ZNF136: variants seen among roughly 807,000 people sequenced by gnomAD.
The protein encoded by ZNF136 is zinc finger protein 136.
Under a neutral mutation model 11.4 loss-of-function variants are expected in ZNF136, and 8 were observed. The ratio of observed to expected loss-of-function variants is 0.70; its 90% CI spans 0.41 to 1.27. The LOEUF (loss-of-function observed/expected upper bound fraction) is 1.27, where lower values mean the gene tolerates loss of function less well. Among genes scored for constraint, ZNF136 ranks in the 50% most tolerant of loss-of-function variants. The probability of loss-of-function intolerance (pLI) is 0.01; values close to 1 mark genes in which losing one functional copy is unlikely to be tolerated. For missense variants in ZNF136, 590 were observed against 656.5 expected (o/e 0.90, Z 1.11); for synonymous variants, 190 against 207.1 (o/e 0.92, Z 0.71).
Position 12,186,120 on chromosome 19 carries a change from A to C in ZNF136, c.137A>C (p.Lys46Thr), listed in dbSNP as rs746782708. 5.0e-6 allele frequency: 8 copies of C among 1,608,926 alleles called. No individual in the cohort carries two copies. The African/African-American group carries it at 5.4e-5, about 11-fold the overall frequency. ...TMRNLASIGK[K>T]WKDQNIKDHY... ...TTCTGGGTCTCTGTTTTAGGGAAAAAATGGAAGGACCAGAACATTAAAGAT... is the reference window on the plus strand; with the variant it reads ...TTCTGGGTCTCTGTTTTAGGGAAAACATGGAAGGACCAGAACATTAAAGAT... Residue 46 changes from lysine to threonine, a missense_variant, in exon 3 of 4, where the codon AAA becomes ACA. Coordinates refer to ENST00000343979, the MANE Select transcript of ZNF136 (RefSeq NM_003437.5).
Position 12,163,179 on chromosome 19 carries a change from A to G in ZNF136, c.-25A>G. ...CCTGCCTTGGGATCCGGAGGGAGGA[A>G]GCTGGGACACCCGGGAGTCAGGAAA... On this transcript the variant is annotated 5_prime_UTR_variant, in exon 1 of 4. Transcript: ENST00000343979. 7.1e-7 allele frequency: 1 copy of G among 1,399,920 alleles called. No homozygotes were observed. The highest frequency in any genetic ancestry group is 9.3e-7 in the Non-Finnish European group (1 of 1,069,944). 86.7% of individuals were successfully genotyped at this position (1,399,920 alleles called of 1,614,324 possible). A position where few individuals can be genotyped will look rare whatever the true frequency, so the allele number is the denominator to read the frequency against.
intron 1 of ZNF136, among the ~76,000 whole-genome samples, chr19:12,165,193 T>C (rs1008721703): frequency 6.6e-6 from 1 of 152,192 alleles, no homozygotes; most frequent in Non-Finnish European, 1.5e-5. Flanking sequence ...AAATGCACTT[T>C]GGGTACACAG....
rs1404428348 is a variant in ZNF136, at chr19:12,186,559, A to T, written c.192-11A>T. ...ACAAATCCTTAGTAATGTCCGTCTCATTTTTTACAGAAGTCATATGTTAGA... is the reference window on the plus strand; with the variant it reads ...ACAAATCCTTAGTAATGTCCGTCTCTTTTTTTACAGAAGTCATATGTTAGA... On this transcript the variant is annotated splice_polypyrimidine_tract_variant and intron_variant, in intron 3 of 3. Transcript: ENST00000343979. 1 of 1,578,194 alleles carries T rather than the reference A, an allele frequency of 6.3e-7. No individual in the cohort carries two copies. Among genetic ancestry groups the T allele is most frequent in the East Asian group, 2.2e-5 (1 of 44,610 alleles).
At chr19:12,168,929 T>C (rs1168284656) in intron 1 of ZNF136, among the ~76,000 whole-genome samples, 4 of 152,086 alleles carry the variant, frequency 2.6e-5, no homozygotes, top group Non-Finnish European at 5.9e-5. Flanking sequence ...CCACCTGCCT[T>C]GGCCTCCCAA....
At chr19:12,167,665 G>T (rs888140622) in intron 1 of ZNF136, among the ~76,000 whole-genome samples, 3 of 152,170 alleles carry the variant, frequency 2.0e-5, no homozygotes, top group Non-Finnish European at 4.4e-5. Flanking sequence ...TTCAAGACCA[G>T]CCTGACCAAC....
chr19:12,186,008 T>C (rs1915071664), intron 2 of ZNF136, 97 bp downstream of exon 2: 3 of 1,597,852 alleles, frequency 1.9e-6, no homozygotes, highest in Admixed American at 1.8e-5. Context: ...GGGAGAGTAC[T>C]TGGGGGGCTA....
Position 12,170,036 on chromosome 19 carries a change from T to C in ZNF136, c.3+6830T>C, listed in dbSNP as rs1468639029. Among the ~76,000 whole-genome samples the C allele has an allele frequency of 5.5e-4, 80 of 144,854 alleles. 1 individual carries two copies. The highest frequency in any genetic ancestry group is 3.5e-3 in the Admixed American group (49 of 13,854). On this transcript the variant is annotated intron_variant, in intron 1 of 3. Coordinates refer to ENST00000343979, the MANE Select transcript of ZNF136 (RefSeq NM_003437.5). ...GTCTCGATCTCCTGACCTCGTGATC[T>C]GCCCACCTTGGCCTCCCAAAGTGCT... is the stretch of plus-strand genomic sequence containing the variant.
chr19:12,168,271 A>C (rs1388249488), intron 1 of ZNF136, among the ~76,000 whole-genome samples: 1 of 151,652 alleles, frequency 6.6e-6, no homozygotes, highest in African/African-American at 2.4e-5. Context: ...ACGGGGTTTC[A>C]CCATATTAGC....
chr19:12,175,215 G>C (rs1170452166), intron 1 of ZNF136, among the ~76,000 whole-genome samples: 1 of 151,446 alleles, frequency 6.6e-6, no homozygotes, highest in Non-Finnish European at 1.5e-5. Context: ...TTTTGGGGGG[G>C]ACAGAGTCTT....
At chr19:12,168,933 C>T (rs910304409) in intron 1 of ZNF136, among the ~76,000 whole-genome samples, 1 of 152,184 alleles carries the variant, frequency 6.6e-6, no homozygotes, top group Non-Finnish European at 1.5e-5. Context: ...CTGCCTTGGC[C>T]TCCCAAAGTG....
In ZNF136 at chr19:12,186,132, A is replaced by G. The variant is rs747698280; in HGVS notation, c.149A>G (p.Gln50Arg). 1 of 1,610,780 alleles carries G rather than the reference A, an allele frequency of 6.2e-7. No individual in the cohort carries two copies. Among genetic ancestry groups the G allele is most frequent in the Non-Finnish European group, 8.5e-7 (1 of 1,179,234 alleles). The change falls in exon 3 of 4, where the codon CAG becomes CGG. Residue 50 changes from glutamine (Q) to arginine (R), a missense_variant. Transcript: ENST00000343979. ...LASIGKKWKD[Q>R]NIKDHYKHRG... ...GTTTTAGGGAAAAAATGGAAGGACC[A>G]GAACATTAAAGATCACTACAAACAC...
intron 1 of ZNF136, among the ~76,000 whole-genome samples, chr19:12,180,514 C>T (rs1235180846): frequency 6.6e-6 from 1 of 151,952 alleles, no homozygotes; most frequent in Non-Finnish European, 1.5e-5. Context: ...GAAATAAGCA[C>T]TTTGAAGGAA....
intron 1 of ZNF136, among the ~76,000 whole-genome samples, chr19:12,170,726 G>T (rs908195020): frequency 6.0e-5 from 9 of 151,128 alleles, no homozygotes; most frequent in Non-Finnish European, 1.2e-4. Context: ...CTGGAGTGCA[G>T]TGGCGCGATC....
At chr19:12,171,925 A>G (rs1403525253) in intron 1 of ZNF136, among the ~76,000 whole-genome samples, 2 of 150,306 alleles carry the variant, frequency 1.3e-5, no homozygotes, top group Non-Finnish European at 3.0e-5. Flanking sequence ...ATTGTAACTT[A>G]TGAAAGTTTG....
chr19:12,167,174 G>A (rs1977197987), intron 1 of ZNF136, among the ~76,000 whole-genome samples: 2 of 152,150 alleles, frequency 1.3e-5, no homozygotes, highest in South Asian at 2.1e-4. Flanking sequence ...TAAGGGCCTG[G>A]AGGAAATTTA....
chr19:12,187,435 A>G lies in ZNF136; in HGVS notation c.1057A>G (p.Ile353Val), dbSNP rs1425853525. The G allele has an allele frequency of 1.2e-6, 2 of 1,613,746 alleles. No homozygotes were observed. The highest frequency in any genetic ancestry group is 1.7e-6 in the Non-Finnish European group (2 of 1,179,906). Reference sequence around the variant, plus strand: ...CTTTAGATCTGCCAGTACCTTTCAAATACATGAAAGGACTCACACTGGAGA... The same window carrying G: ...CTTTAGATCTGCCAGTACCTTTCAAGTACATGAAAGGACTCACACTGGAGA... ...KAFRSASTFQ[I>V]HERTHTGEKP... The change falls in exon 4 of 4, where the codon ATA becomes GTA. Residue 353 changes from isoleucine (I) to valine (V), a missense_variant. Transcript: ENST00000343979.
chr19:12,186,663 A>C lies in ZNF136; in HGVS notation c.285A>C (p.Lys95Asn). 1 of 1,614,210 alleles carries C rather than the reference A, an allele frequency of 6.2e-7. No individual in the cohort carries two copies. The highest frequency in any genetic ancestry group is 8.5e-7 in the Non-Finnish European group (1 of 1,180,022). ...SQFANQNLSK[K>N]IPGVKLCESI... The stretch of plus-strand genomic sequence containing the variant: ...TTGCAAATCAGAATCTGAGCAAGAA[A>C]ATCCCTGGAGTGAAACTCTGTGAAA... Residue 95 changes from lysine (K) to asparagine (N), a missense_variant, in exon 4 of 4, where the codon AAA (lysine) becomes AAC (asparagine). By Grantham distance (94) the Lys-to-Asn change is moderately conservative (BLOSUM62 0). Transcript: ENST00000343979.
chr19:12,163,617 C>T, intron 1 of ZNF136: 1 of 194,738 alleles, frequency 5.1e-6, no homozygotes, highest in Non-Finnish European at 1.0e-5. Flanking sequence ...GTCCCAAATC[C>T]TCACTCTGTC....
intron 1 of ZNF136, among the ~76,000 whole-genome samples, chr19:12,181,637 TA>T (rs1002514995): frequency 6.6e-6 from 1 of 151,784 alleles, no homozygotes; most frequent in African/African-American, 2.4e-5. Flanking sequence ...CACGCCCAGC[TA>T]ATTTTTTTTG....
Sources: gnomAD v4.1 joint callset for allele counts (sites outside exome capture counted in the v4.1 genomes callset) on GRCh38, gnomAD v4.1.1 for gene constraint, MANE v1.5 for transcripts, NCBI Gene and HGNC (gene_info 2026-07-23, HGNC 2026-07-21) for gene names.